The following MITF variants were observed in gnomAD, a reference collection of about 807,000 sequenced individuals.
MITF encodes the protein melanocyte inducing transcription factor, also known as microphthalmia-associated transcription factor.
In MITF, 17 loss-of-function variants were observed where a neutral mutation model predicts 60.5. The ratio of observed to expected loss-of-function variants is 0.28; its 90% CI spans 0.19 to 0.42. The LOEUF (loss-of-function observed/expected upper bound fraction) is 0.42. MITF is among the 10% of genes least tolerant of loss of function. The probability of loss-of-function intolerance (pLI) is 1.00; values close to 1 mark genes in which losing one functional copy is unlikely to be tolerated. For synonymous variants in MITF, 260 were observed against 248.5 expected (o/e 1.05, Z -0.43); for missense variants, 622 against 683.5 (o/e 0.91, Z 1.00).
At chr3:69,802,967 G>A (rs2062946832) in intron 1 of MITF, among the ~76,000 whole-genome samples, 1 of 151,858 alleles carries the variant, frequency 6.6e-6, no homozygotes, top group South Asian at 2.1e-4. Flanking sequence ...AGTAGGGACG[G>A]GGTTTCTCCA....
At chr3:69,890,715 A>C (rs1237199252) in intron 2 of MITF, among the ~76,000 whole-genome samples, 4 of 152,156 alleles carry the variant, frequency 2.6e-5, no homozygotes, top group African/African-American at 9.7e-5. Context: ...TCATTAGATA[A>C]CCAAGTTTTC....
At chr3:69,914,851 C>T (rs183464043) in intron 2 of MITF, among the ~76,000 whole-genome samples, 4 of 152,272 alleles carry the variant, frequency 2.6e-5, no homozygotes, top group African/African-American at 9.6e-5. Context: ...GGCCATTATA[C>T]TCTACAGATA....
chr3:69,954,587 A>G (rs1266024543), intron 7 of MITF, among the ~76,000 whole-genome samples: 2 of 152,144 alleles, frequency 1.3e-5, no homozygotes, highest in Non-Finnish European at 2.9e-5. Flanking sequence ...GGCTTGCTTG[A>G]GGAATAGCAA....
intron 2 of MITF, among the ~76,000 whole-genome samples, chr3:69,920,963 G>A (rs563245338): frequency 6.6e-5 from 10 of 152,278 alleles, no homozygotes; most frequent in African/African-American, 2.4e-4. Context: ...CACCTCCCTG[G>A]TTCAAGCAAT....
intron 2 of MITF, chr3:69,936,683 T>C (rs752880210): frequency 6.2e-7 from 1 of 1,612,846 alleles, no homozygotes; most frequent in Non-Finnish European, 8.5e-7. Flanking sequence ...AGGGATAGTC[T>C]ACCGTCTCTC....
chr3:69,866,095 A>G, intron 1 of MITF: 2 of 994,596 alleles, frequency 2.0e-6, no homozygotes, highest in Non-Finnish European at 2.7e-6. Context: ...TTTGTCCTGC[A>G]GGTACAGTAG....
intron 1 of MITF, among the ~76,000 whole-genome samples, chr3:69,870,584 A>G (rs2064216146): frequency 6.6e-6 from 1 of 151,652 alleles, no homozygotes; most frequent in South Asian, 2.1e-4. Context: ...ACAGGCGTGT[A>G]CCACCATGCC....
intron 2 of MITF, among the ~76,000 whole-genome samples, chr3:69,894,552 G>A (rs1237912135): frequency 1.3e-5 from 2 of 151,902 alleles, no homozygotes; most frequent in Non-Finnish European, 2.9e-5. Context: ...CAGGCTTGGT[G>A]GCGGGCACCT....
chr3:69,953,035 A>G (rs538295864), intron 7 of MITF, among the ~76,000 whole-genome samples: 1 of 152,248 alleles, frequency 6.6e-6, no homozygotes, highest in East Asian at 1.9e-4. Context: ...TTGTTTCTCT[A>G]GGTTAGAAAC....
intron 2 of MITF, among the ~76,000 whole-genome samples, chr3:69,920,940 T>C (rs1253428577): frequency 6.6e-6 from 1 of 152,178 alleles, no homozygotes; most frequent in Non-Finnish European, 1.5e-5. Context: ...CGACCTCGGC[T>C]CACTGCAACC....
chr3:69,880,206 A>G (rs1294812154), intron 2 of MITF, among the ~76,000 whole-genome samples: 3 of 152,186 alleles, frequency 2.0e-5, no homozygotes, highest in Admixed American at 2.0e-4. Flanking sequence ...GTTACTGTTC[A>G]TTAAACAATG....
intron 1 of MITF, among the ~76,000 whole-genome samples, chr3:69,792,221 AG>A (rs1413124199): frequency 6.6e-6 from 1 of 152,232 alleles, no homozygotes; most frequent in East Asian, 1.9e-4. Context: ...GCTAGCTGAA[AG>A]GGTCTGATAG....
chr3:69,790,461 TA>T (rs2062722117), intron 1 of MITF, among the ~76,000 whole-genome samples: 1 of 152,208 alleles, frequency 6.6e-6, no homozygotes, highest in African/African-American at 2.4e-5. Context: ...TAGAAATGGT[TA>T]AAATGGTAAA....
At chr3:69,745,209 C>T (rs1243262626) in intron 1 of MITF, among the ~76,000 whole-genome samples, 1 of 152,134 alleles carries the variant, frequency 6.6e-6, no homozygotes, top group Non-Finnish European at 1.5e-5. Flanking sequence ...TCTCATTCTA[C>T]AGAGAGGGAA....
At chr3:69,785,269 G>C (rs1470016828) in intron 1 of MITF, among the ~76,000 whole-genome samples, 3 of 116,572 alleles carry the variant, frequency 2.6e-5, no homozygotes, top group Admixed American at 8.1e-5. Context: ...TGAAATAACA[G>C]CAAGCAGCAG....
At chr3:69,788,698 C>G (rs1386243934) in intron 1 of MITF, among the ~76,000 whole-genome samples, 1 of 152,098 alleles carries the variant, frequency 6.6e-6, no homozygotes, top group Non-Finnish European at 1.5e-5. Context: ...TTTCAAAACA[C>G]ATTACAAAAC....
chr3:69,910,369 G>A (rs2065197198), intron 2 of MITF, among the ~76,000 whole-genome samples: 1 of 152,242 alleles, frequency 6.6e-6, no homozygotes, highest in South Asian at 2.1e-4. Flanking sequence ...CAGTGCAGAA[G>A]AGAAATGTGG....
chr3:69,917,771 G>T (rs968835761), intron 2 of MITF, among the ~76,000 whole-genome samples: 3 of 152,012 alleles, frequency 2.0e-5, no homozygotes, highest in Admixed American at 6.6e-5. Context: ...TGGTGGGCAG[G>T]TTGGTTGGTA....
intron 1 of MITF, among the ~76,000 whole-genome samples, chr3:69,819,701 C>T (rs2063236444): frequency 6.6e-6 from 1 of 152,132 alleles, no homozygotes; most frequent in African/African-American, 2.4e-5. Flanking sequence ...ATGCCTGTAA[C>T]CTGTAATCCC....
Sources: gnomAD v4.1 joint callset for allele counts (sites outside exome capture counted in the v4.1 genomes callset) on GRCh38, gnomAD v4.1.1 for gene constraint, MANE v1.5 for transcripts, NCBI Gene and HGNC (gene_info 2026-07-23, HGNC 2026-07-21) for gene names.